ZNRF3: variants seen among roughly 807,000 people sequenced by gnomAD.
ZNRF3 encodes the protein zinc and ring finger 3, also known as E3 ubiquitin-protein ligase ZNRF3.
A neutral mutation model predicts 72.5 loss-of-function variants in ZNRF3; 23 were observed. That is an observed-to-expected ratio of 0.32 (90% CI 0.23 to 0.45). The LOEUF (loss-of-function observed/expected upper bound fraction) is 0.45, where lower values mean the gene tolerates loss of function less well. Among genes scored for constraint, ZNRF3 ranks in the 20% least tolerant of loss-of-function variants. The probability of loss-of-function intolerance (pLI) is 1.00; values close to 1 mark genes in which losing one functional copy is unlikely to be tolerated. For synonymous variants in ZNRF3, 610 were observed against 545.3 expected (o/e 1.12, Z -1.65); for missense variants, 1,169 against 1,272.1 (o/e 0.92, Z 1.23).
At chr22:28,897,683 G>A (rs955303425) in intron 1 of ZNRF3, among the ~76,000 whole-genome samples, 1 of 152,070 alleles carries the variant, frequency 6.6e-6, no homozygotes, top group Non-Finnish European at 1.5e-5. Flanking sequence ...TTCAACTCCC[G>A]TCTTTGCTTT....
At chr22:29,028,617 A>T (rs905182777) in intron 2 of ZNRF3, among the ~76,000 whole-genome samples, 1 of 152,122 alleles carries the variant, frequency 6.6e-6, no homozygotes, top group Admixed American at 6.5e-5. Context: ...TTATGGAGAG[A>T]GGCTTAGGTC....
chr22:29,049,985 C>T lies in ZNRF3; in HGVS notation c.1804C>T (p.Arg602Trp), dbSNP rs1055198879. The change falls in exon 8 of 9, where the codon CGG (arginine) becomes TGG (tryptophan). Residue 602 changes from arginine (R) to tryptophan (W), a missense_variant. Physicochemically the swap from Arg to Trp is moderately radical, Grantham distance 101. Coordinates refer to ENST00000544604, the MANE Select transcript of ZNRF3 (RefSeq NM_001206998.2). The surrounding 1 kb of genome is among the most constrained non-coding windows in gnomAD (Gnocchi z 5.2). Reference protein sequence around the residue: ...SDYDPFIYRSRSPCRASEAGG... With the variant: ...SDYDPFIYRSWSPCRASEAGG... Reference sequence around the variant, plus strand: ...CTATGACCCCTTCATCTACCGCAGCCGGAGCCCCTGTCGTGCCAGTGAGGC... The same window carrying T: ...CTATGACCCCTTCATCTACCGCAGCTGGAGCCCCTGTCGTGCCAGTGAGGC... 2 of 1,612,148 alleles carry T rather than the reference C, an allele frequency of 1.2e-6. No homozygotes were observed. Among genetic ancestry groups the T allele is most frequent in the Non-Finnish European group, 1.7e-6 (2 of 1,179,682 alleles).
intron 1 of ZNRF3, among the ~76,000 whole-genome samples, chr22:28,943,416 G>T (rs1274991914): frequency 6.6e-6 from 1 of 152,188 alleles, no homozygotes; most frequent in Non-Finnish European, 1.5e-5. Flanking sequence ...GATTTACCAG[G>T]CTGGGGGTAG....
chr22:29,032,810 T>G (rs2036787723), intron 2 of ZNRF3, among the ~76,000 whole-genome samples: 2 of 152,376 alleles, frequency 1.3e-5, no homozygotes, highest in South Asian at 4.1e-4. Flanking sequence ...TCTGACACAC[T>G]GGCTGCCCTT....
chr22:28,999,899 A>T (rs993990507), intron 2 of ZNRF3, among the ~76,000 whole-genome samples: 2 of 152,230 alleles, frequency 1.3e-5, no homozygotes, highest in Non-Finnish European at 2.9e-5. Context: ...CGGCAGAGAA[A>T]GCTTGTCTGT....
At chr22:28,937,215 ATTTTT>A (rs370829828) in intron 1 of ZNRF3, among the ~76,000 whole-genome samples, 51 of 8,804 alleles carry the variant, frequency 5.8e-3, no homozygotes, top group South Asian at 0.016. Flanking sequence ...ATATATATAT[ATTTTT>A]TTTTTTTTTT....
intron 1 of ZNRF3, among the ~76,000 whole-genome samples, chr22:28,910,341 T>G (rs1472717582): frequency 6.6e-6 from 1 of 152,116 alleles, no homozygotes; most frequent in African/African-American, 2.4e-5. Flanking sequence ...ATGCCCAGCC[T>G]CTCCATCAGA....
intron 2 of ZNRF3, among the ~76,000 whole-genome samples, chr22:29,038,620 T>G (rs2036905748): frequency 6.6e-6 from 1 of 152,130 alleles, no homozygotes; most frequent in Non-Finnish European, 1.5e-5. Flanking sequence ...CATGAGCCAC[T>G]GCACCTGGCC....
chr22:28,991,673 A>G (rs1436695006), intron 2 of ZNRF3, among the ~76,000 whole-genome samples: 2 of 152,166 alleles, frequency 1.3e-5, no homozygotes, highest in African/African-American at 2.4e-5. Context: ...TGCTAATTTG[A>G]CATCCTATCC....
At chr22:28,957,606 A>AT (rs2035282950) in intron 1 of ZNRF3, among the ~76,000 whole-genome samples, 1 of 151,722 alleles carries the variant, frequency 6.6e-6, no homozygotes, top group Non-Finnish European at 1.5e-5. Flanking sequence ...TGTCCAGCTA[A>AT]TTTTTTGTAT....
At chr22:28,965,875 C>T (rs2035450117) in intron 1 of ZNRF3, among the ~76,000 whole-genome samples, 1 of 152,138 alleles carries the variant, frequency 6.6e-6, no homozygotes, top group South Asian at 2.1e-4. Context: ...TGACAGTGGA[C>T]ATGAAAATGC....
rs2037186099 is a variant in ZNRF3, at chr22:29,050,654, C to A, written c.2473C>A (p.Leu825Met). The A allele has an allele frequency of 6.2e-7, 1 of 1,612,164 alleles. No homozygotes were observed. Among genetic ancestry groups the A allele is most frequent in the Middle Eastern group, 1.7e-4 (1 of 6,056 alleles). ...PPGCYPGARD[L>M]SQRIPIIPED... ...CGGCTGCTACCCCGGGGCCCGGGAC[C>A]TGAGCCAGCGCATCCCCATCATTCC... The change falls in exon 8 of 9, where the codon CTG becomes ATG. Residue 825 changes from leucine to methionine, a missense_variant. Physicochemically the swap from Leu to Met is conservative, Grantham distance 15 (BLOSUM62 2). This residue lies in a region of ZNRF3 where 783 missense variants were observed against 731.4 expected (regional missense o/e 1.07). Coordinates refer to ENST00000544604, the MANE Select transcript of ZNRF3 (RefSeq NM_001206998.2).
intron 1 of ZNRF3, among the ~76,000 whole-genome samples, chr22:28,927,116 A>G (rs564065790): frequency 5.6e-4 from 86 of 152,294 alleles, no homozygotes; most frequent in African/African-American, 2.0e-3. Context: ...AAAAAAAAAA[A>G]AAAGTGAATA....
rs982201875 is a variant in ZNRF3 at position 28,966,634 on chromosome 22, T to TA, written c.301-20432dup. Among the ~76,000 whole-genome samples the TA allele has an allele frequency of 1.8e-4, 26 of 147,150 alleles. No homozygotes were observed. In the East Asian group the frequency reaches 1.8e-3, roughly 10 times the overall value. On this transcript the variant is annotated intron_variant, in intron 1 of 8. Coordinates refer to ENST00000544604, the MANE Select transcript of ZNRF3 (RefSeq NM_001206998.2). Reference sequence around the variant, plus strand: ...TTTTAACAAAAAAAGTTTAAAAAAGTAAAAAAAAAAGTTTTGATAGAAAAA... The same window carrying TA: ...TTTTAACAAAAAAAGTTTAAAAAAGTAAAAAAAAAAAGTTTTGATAGAAAAA...
chr22:29,021,236 A>AT (rs1310683880), intron 2 of ZNRF3, among the ~76,000 whole-genome samples: 41 of 151,826 alleles, frequency 2.7e-4, no homozygotes, highest in South Asian at 8.3e-4. Context: ...CTGTCTCAAA[A>AT]AAAATAAATA....
intron 5 of ZNRF3, 130 bp downstream of exon 5, chr22:29,045,020 G>A: frequency 1.5e-6 from 1 of 678,740 alleles, no homozygotes. Context: ...TCTGAGCTCT[G>A]CAGCCTGTTC....
intron 2 of ZNRF3, among the ~76,000 whole-genome samples, chr22:29,013,367 G>A (rs1276650709): frequency 6.6e-6 from 1 of 152,158 alleles, no homozygotes; most frequent in African/African-American, 2.4e-5. Flanking sequence ...TTAATTTTCA[G>A]TGAAGCTTCT....
intron 8 of ZNRF3, among the ~76,000 whole-genome samples, 185 bp from the exon 9 acceptor site, chr22:29,053,394 T>C (rs2037242322): frequency 1.3e-5 from 2 of 152,216 alleles, no homozygotes; most frequent in African/African-American, 4.8e-5. Context: ...AGTGAGAGGC[T>C]GGCTCTCCAG....
At chr22:28,982,596 C>A (rs1425644630) in intron 1 of ZNRF3, among the ~76,000 whole-genome samples, 2 of 150,828 alleles carry the variant, frequency 1.3e-5, no homozygotes, top group Admixed American at 6.6e-5. Context: ...GTTAACATTG[C>A]AGATGTCCAG....
Sources: gnomAD v4.1 joint callset for allele counts (sites outside exome capture counted in the v4.1 genomes callset) on GRCh38, gnomAD v4.1.1 for gene constraint, gnomAD v4.1.1 regional missense constraint, Gnocchi (gnomAD v3.1) non-coding constraint, MANE v1.5 for transcripts, NCBI Gene and HGNC (gene_info 2026-07-23, HGNC 2026-07-21) for gene names.